The following PDE10A variants were observed in gnomAD, a reference collection of about 807,000 sequenced individuals.
PDE10A encodes phosphodiesterase 10A.
In PDE10A, 39 loss-of-function variants were observed where a neutral mutation model predicts 97.7. The ratio of observed to expected loss-of-function variants is 0.40; its 90% CI spans 0.31 to 0.52. The LOEUF is 0.52. PDE10A is among the 20% of genes least tolerant of loss of function. The pLI, the probability that PDE10A is intolerant of heterozygous loss-of-function variation, is 0.56. For synonymous variants in PDE10A, 371 were observed against 376.8 expected (o/e 0.98, Z 0.18); for missense variants, 731 against 1,047.8 (o/e 0.70, Z 4.17).
At chr6:165,449,867 T>C (rs1222859728) in intron 4 of PDE10A, among the ~76,000 whole-genome samples, 2 of 152,170 alleles carry the variant, frequency 1.3e-5, no homozygotes, top group African/African-American at 4.8e-5. Context: ...ATTTCTTAAA[T>C]GGTATATAAA....
upstream of PDE10A, among the ~76,000 whole-genome samples, chr6:165,663,484 G>T (rs1421335289): frequency 3.3e-5 from 5 of 152,334 alleles, no homozygotes; most frequent in East Asian, 9.7e-4. Context: ...CCAGCTGTGC[G>T]CTGCTGGGCG....
chr6:165,654,787 A>G (rs571125494), intron 1 of PDE10A, among the ~76,000 whole-genome samples: 13 of 152,112 alleles, frequency 8.5e-5, no homozygotes, highest in Non-Finnish European at 1.8e-4. Context: ...GAGGCCACGG[A>G]CGACCTCCTG....
intron 21 of PDE10A, among the ~76,000 whole-genome samples, chr6:165,334,429 C>A (rs1781528156): frequency 6.6e-6 from 1 of 151,362 alleles, no homozygotes; most frequent in African/African-American, 2.4e-5. Context: ...GCACGCGCCT[C>A]TATAGCGCCC....
At chr6:165,436,073 C>T (rs1225969373) in intron 5 of PDE10A, among the ~76,000 whole-genome samples, 2 of 152,136 alleles carry the variant, frequency 1.3e-5, no homozygotes, top group African/African-American at 4.8e-5. Flanking sequence ...TTTAAAATTA[C>T]TTTCTACTAA....
intron 1 of PDE10A, among the ~76,000 whole-genome samples, chr6:165,821,899 G>A (rs538009393): frequency 3.7e-5 from 4 of 107,044 alleles, no homozygotes; most frequent in South Asian, 4.4e-4. Context: ...GTGAGGTGCC[G>A]GGTTTTTTTT....
chr6:165,497,998 T>C lies in PDE10A; in HGVS notation c.995-15655A>G, dbSNP rs529428557. Among the ~76,000 whole-genome samples, 84 of 152,242 alleles carry C rather than the reference T, an allele frequency of 5.5e-4. 1 individual carries two copies. The highest frequency in any genetic ancestry group is 2.2e-3 in the Admixed American group (34 of 15,296). Reference sequence around the variant, plus strand: ...GAAACTTTATAATTATGAATAAAAATTTACTAAGCCTTCCTAAAACTCTTA... The same window carrying C: ...GAAACTTTATAATTATGAATAAAAACTTACTAAGCCTTCCTAAAACTCTTA... On this transcript the variant is annotated intron_variant, in intron 2 of 21. Coordinates refer to ENST00000539869, the MANE Select transcript of PDE10A (RefSeq NM_001385079.1).
chr6:165,532,079 T>C (rs745967874), intron 2 of PDE10A, among the ~76,000 whole-genome samples: 3 of 152,180 alleles, frequency 2.0e-5, no homozygotes, highest in Admixed American at 1.3e-4. Context: ...GTTGTTTGAA[T>C]TGAACTGTCA....
At chr6:165,639,089 G>A (rs1789010346) in intron 1 of PDE10A, among the ~76,000 whole-genome samples, 2 of 147,728 alleles carry the variant, frequency 1.4e-5, no homozygotes, top group Non-Finnish European at 3.0e-5. Context: ...AGGAAGGCAG[G>A]AAGGAAGGAA....
chr6:165,750,117 G>A (rs1485798496), intron 1 of PDE10A, among the ~76,000 whole-genome samples: 1 of 152,194 alleles, frequency 6.6e-6, no homozygotes, highest in East Asian at 1.9e-4. Context: ...GAGTGGTGAG[G>A]AGATGGGCAC....
At chr6:165,407,513 T>G (rs1050624854) in intron 13 of PDE10A, among the ~76,000 whole-genome samples, 1 of 152,232 alleles carries the variant, frequency 6.6e-6, no homozygotes, top group Non-Finnish European at 1.5e-5. Flanking sequence ...TTATATCAAA[T>G]AAGAGTTGTT....
chr6:165,490,618 G>A (rs1239938547), intron 2 of PDE10A, among the ~76,000 whole-genome samples: 2 of 152,132 alleles, frequency 1.3e-5, no homozygotes, highest in African/African-American at 4.8e-5. Flanking sequence ...AACATTGAAT[G>A]CAAATGGCCT....
Position 165,428,650 on chromosome 6 carries a change from C to G in PDE10A, c.1653+8G>C. 1 of 1,268,080 alleles carries G rather than the reference C, an allele frequency of 7.9e-7. No individual in the cohort carries two copies. Among genetic ancestry groups the G allele is most frequent in the Non-Finnish European group, 1.1e-6 (1 of 878,132 alleles). The allele number at this position is 1,268,080 out of a possible 1,614,324, so 78.6% of individuals were successfully genotyped here. A position where few individuals can be genotyped will look rare whatever the true frequency, so the allele number is the denominator to read the frequency against. On this transcript the variant is annotated splice_region_variant and intron_variant, in intron 10 of 21. Coordinates refer to ENST00000539869, the MANE Select transcript of PDE10A (RefSeq NM_001385079.1). ...AACAGAATCATACTCAGAACAAAAA[C>G]AACCTACCATTATGTGTTCAAGTAG... is the stretch of plus-strand genomic sequence containing the variant.
At chr6:165,780,101 T>C (rs1009834579) in intron 1 of PDE10A, among the ~76,000 whole-genome samples, 1 of 152,230 alleles carries the variant, frequency 6.6e-6, no homozygotes, top group African/African-American at 2.4e-5. Flanking sequence ...CTTTAAGTGG[T>C]ACAAGTTTGA....
chr6:165,578,103 C>T (rs1046468834), intron 1 of PDE10A, among the ~76,000 whole-genome samples: 1 of 152,150 alleles, frequency 6.6e-6, no homozygotes, highest in Non-Finnish European at 1.5e-5. Context: ...TCCGAACTGA[C>T]TTCAGGTAAA....
At chr6:165,790,210 G>C (rs1379759718) in intron 1 of PDE10A, among the ~76,000 whole-genome samples, 1 of 152,172 alleles carries the variant, frequency 6.6e-6, no homozygotes, top group Non-Finnish European at 1.5e-5. Flanking sequence ...AAGTAAGGAA[G>C]GCATCGTATT....
intron 1 of PDE10A, among the ~76,000 whole-genome samples, chr6:165,696,471 C>T (rs1223023557): frequency 6.6e-6 from 1 of 152,172 alleles, no homozygotes; most frequent in Non-Finnish European, 1.5e-5. Flanking sequence ...TTAGTAGCCC[C>T]TCTCTGTTGT....
At chr6:165,742,677 A>G (rs963081557) in intron 1 of PDE10A, among the ~76,000 whole-genome samples, 5 of 152,124 alleles carry the variant, frequency 3.3e-5, no homozygotes, top group Admixed American at 3.3e-4. Flanking sequence ...CTGGCTTGCA[A>G]TCAGGTGAGC....
chr6:165,554,026 A>G lies in PDE10A; in HGVS notation c.866-10458T>C, dbSNP rs547774259. On this transcript the variant is annotated intron_variant, in intron 1 of 21. Transcript: ENST00000539869. The stretch of plus-strand genomic sequence containing the variant: ...TTAGCATAAATATAATTCCAGATCT[A>G]CAGTAACTCGGTGGGGGACTGGGGG... 7.2e-5 allele frequency among the ~76,000 whole-genome samples: 11 copies of G among 152,284 alleles called. No individual in the cohort carries two copies. In the East Asian group the frequency reaches 1.7e-3, roughly 24 times the overall value.
At chr6:165,976,957 A>T (rs1211150026) in intron 1 of PDE10A, among the ~76,000 whole-genome samples, 1 of 152,220 alleles carries the variant, frequency 6.6e-6, no homozygotes, top group Non-Finnish European at 1.5e-5. Context: ...GTCAGCACAC[A>T]TCGAAGCATT....
Sources: allele counts gnomAD v4.1 joint callset (sites outside exome capture counted in the v4.1 genomes callset), GRCh38; gene constraint gnomAD v4.1.1; transcripts MANE v1.5; gene names NCBI Gene and HGNC (gene_info 2026-07-23, HGNC 2026-07-21).